Variants in KLHL1 observed in about 807,000 individuals in gnomAD.
KLHL1 encodes kelch like family member 1, also known as kelch-like protein 1.
In KLHL1, 47 loss-of-function variants were observed where a neutral mutation model predicts 77.7. The observed-to-expected ratio is 0.60, with a 90% CI of 0.48 to 0.77. The LOEUF is 0.77. KLHL1 is among the 30% of genes least tolerant of loss of function. The pLI is 0.00. For synonymous variants in KLHL1, 360 were observed against 325.2 expected (o/e 1.11, Z -1.15); for missense variants, 925 against 910.8 (o/e 1.02, Z -0.20).
intron 8 of KLHL1, among the ~76,000 whole-genome samples, chr13:69,738,326 C>T (rs1279168443): frequency 6.6e-6 from 1 of 152,062 alleles, no homozygotes; most frequent in Non-Finnish European, 1.5e-5. Context: ...CTCAAAAAGC[C>T]AGAGTGCTTC....
intron 1 of KLHL1, among the ~76,000 whole-genome samples, chr13:70,047,198 A>G (rs1019486015): frequency 5.9e-5 from 9 of 152,146 alleles, no homozygotes; most frequent in Middle Eastern, 6.8e-3. Context: ...ACAGTATTGT[A>G]GATATGAAAC....
At chr13:70,045,732 C>T (rs1031945477) in intron 1 of KLHL1, among the ~76,000 whole-genome samples, 2 of 152,036 alleles carry the variant, frequency 1.3e-5, no homozygotes, top group East Asian at 1.9e-4. Flanking sequence ...AAGGACATTC[C>T]TGTAACACTT....
intron 2 of KLHL1, among the ~76,000 whole-genome samples, chr13:69,975,101 A>G (rs1240133033): frequency 6.6e-6 from 1 of 152,028 alleles, no homozygotes; most frequent in Admixed American, 6.6e-5. Flanking sequence ...TAGCTTTCAA[A>G]TGAATTATGG....
intron 1 of KLHL1, among the ~76,000 whole-genome samples, chr13:70,017,908 C>T (rs78586396): frequency 0.081 from 12,255 of 152,152 alleles, 580 homozygotes; most frequent in Non-Finnish European, 0.11. Context: ...TTATCCAATA[C>T]TATTAACTTT....
Position 70,049,171 on chromosome 13 carries a change from C to T in KLHL1, c.497+58032G>A, listed in dbSNP as rs138007881. On this transcript the variant is annotated intron_variant, in intron 1 of 10. Coordinates refer to ENST00000377844, the MANE Select transcript of KLHL1 (RefSeq NM_020866.3). ...TGTTTCCTGGAAGAGACTATTAAAA[C>T]TCATTTGATAGATATGAAAAATTGA... is the stretch of plus-strand genomic sequence containing the variant. Among the ~76,000 whole-genome samples the T allele has an allele frequency of 3.7e-3, 564 of 151,814 alleles. 2 individuals carry two copies. Among genetic ancestry groups the T allele is most frequent in the African/African-American group, 0.013 (534 of 41,368 alleles).
At chr13:70,079,509 A>G (rs1446536436) in intron 1 of KLHL1, among the ~76,000 whole-genome samples, 3 of 152,200 alleles carry the variant, frequency 2.0e-5, no homozygotes, top group Non-Finnish European at 4.4e-5. Flanking sequence ...ATAATATCCC[A>G]TCTAAAAATA....
intron 7 of KLHL1, among the ~76,000 whole-genome samples, chr13:69,753,920 T>C (rs184679520): frequency 1.2e-4 from 18 of 152,234 alleles, no homozygotes; most frequent in Admixed American, 1.0e-3. Flanking sequence ...CACTGCATCC[T>C]TGACCTCCCA....
intron 7 of KLHL1, among the ~76,000 whole-genome samples, chr13:69,770,894 C>T (rs1457110427): frequency 1.3e-5 from 2 of 152,124 alleles, no homozygotes; most frequent in Admixed American, 1.3e-4. Flanking sequence ...TACAGGCACA[C>T]ACCACCATGC....
intron 4 of KLHL1, among the ~76,000 whole-genome samples, chr13:69,905,991 G>T (rs946607697): frequency 6.6e-6 from 1 of 151,998 alleles, no homozygotes; most frequent in African/African-American, 2.4e-5. Context: ...ATCAATTGAT[G>T]TCCCCAAATT....
intron 4 of KLHL1, among the ~76,000 whole-genome samples, chr13:69,901,789 TTTTTTC>T (rs777140517): frequency 0.18 from 7,420 of 41,002 alleles, 336 homozygotes; most frequent in Non-Finnish European, 0.27. Context: ...TTCTTTTTCT[TTTTTTC>T]TTTTTTTTTT....
chr13:69,814,492 A>G (rs1878035061), intron 6 of KLHL1, among the ~76,000 whole-genome samples: 1 of 152,186 alleles, frequency 6.6e-6, no homozygotes, highest in Non-Finnish European at 1.5e-5. Context: ...ATATTTGCAA[A>G]CTATGCCTCT....
At chr13:69,831,901 C>T (rs1878776458) in intron 6 of KLHL1, among the ~76,000 whole-genome samples, 1 of 150,020 alleles carries the variant, frequency 6.7e-6, no homozygotes, top group Non-Finnish European at 1.5e-5. Flanking sequence ...TCCAACATCC[C>T]TTTATGATTA....
chr13:70,059,667 C>A (rs1347507032), intron 1 of KLHL1, among the ~76,000 whole-genome samples: 1 of 152,122 alleles, frequency 6.6e-6, no homozygotes, highest in African/African-American at 2.4e-5. Context: ...TAAATAACTA[C>A]CTAAGACTGA....
At chr13:69,998,954 T>G (rs1003020466) in intron 1 of KLHL1, among the ~76,000 whole-genome samples, 2 of 151,976 alleles carry the variant, frequency 1.3e-5, no homozygotes, top group Non-Finnish European at 2.9e-5. Flanking sequence ...CGTCTCCAGG[T>G]CTTGTATGAC....
At chr13:69,923,221 T>C (rs902430776) in intron 4 of KLHL1, among the ~76,000 whole-genome samples, 3 of 152,174 alleles carry the variant, frequency 2.0e-5, no homozygotes, top group Non-Finnish European at 4.4e-5. Context: ...CAAATAGATA[T>C]AGTTCATTAA....
chr13:70,042,623 G>A (rs921392635), intron 1 of KLHL1, among the ~76,000 whole-genome samples: 4 of 152,074 alleles, frequency 2.6e-5, no homozygotes, highest in African/African-American at 4.8e-5. Context: ...CAATTATCAA[G>A]TACAATACAT....
At chr13:70,082,311 T>TCTCACA (rs1166864536) in intron 1 of KLHL1, among the ~76,000 whole-genome samples, 2 of 110,946 alleles carry the variant, frequency 1.8e-5, no homozygotes, top group East Asian at 2.7e-4. Flanking sequence ...CTTGGACCTG[T>TCTCACA]CACACACACA....
At chr13:69,752,844 A>T (rs1220267874) in intron 7 of KLHL1, among the ~76,000 whole-genome samples, 1 of 152,182 alleles carries the variant, frequency 6.6e-6, no homozygotes, top group Non-Finnish European at 1.5e-5. Context: ...CTGTTGTAGC[A>T]ACCATTTAAG....
chr13:69,935,207 T>TACTGGTGAACTTGGTTCATAGTTCACCC (rs1883142256), intron 4 of KLHL1, among the ~76,000 whole-genome samples: 1 of 118,426 alleles, frequency 8.4e-6, no homozygotes, highest in South Asian at 3.1e-4. Flanking sequence ...ACATAGTTGG[T>TACTGGTGAACTTGGTTCATAGTTCACCC]ACTGGTGAAC....
Sources: allele counts gnomAD v4.1 joint callset (sites outside exome capture counted in the v4.1 genomes callset), GRCh38; gene constraint gnomAD v4.1.1; transcripts MANE v1.5; gene names NCBI Gene and HGNC (gene_info 2026-07-23, HGNC 2026-07-21).